The following FCHSD2 variants were observed in gnomAD, a reference collection of about 807,000 sequenced individuals.
FCHSD2 encodes FCH and double SH3 domains 2.
FCHSD2 carries 38 observed loss-of-function variants against 108.1 expected under a neutral mutation model. The ratio of observed to expected loss-of-function variants is 0.35; its 90% confidence interval spans 0.27 to 0.46. FCHSD2 has a LOEUF of 0.46. Ranked by LOEUF, FCHSD2 falls within the 20% of genes least tolerant of loss-of-function variation. The pLI is 1.00. For synonymous variants in FCHSD2, 279 were observed against 314.7 expected (o/e 0.89, Z 1.20); for missense variants, 751 against 897.8 (o/e 0.84, Z 2.09).
At chr11:73,087,573 C>T (rs1227113818) in intron 2 of FCHSD2, among the ~76,000 whole-genome samples, 2 of 151,700 alleles carry the variant, frequency 1.3e-5, no homozygotes, top group African/African-American at 2.4e-5. Flanking sequence ...GGCATGGTGG[C>T]GTGTGCCTGT....
intron 12 of FCHSD2, among the ~76,000 whole-genome samples, chr11:72,876,187 G>A (rs558095243): frequency 6.6e-6 from 1 of 152,142 alleles, no homozygotes; most frequent in Non-Finnish European, 1.5e-5. Flanking sequence ...AATATTAGCT[G>A]GGTTTGGTGG....
chr11:72,841,303 C>CCTGGGTG, intron 18 of FCHSD2, 151 bp downstream of exon 18: 1 of 796,482 alleles, frequency 1.3e-6, no homozygotes, highest in Non-Finnish European at 1.9e-6. Context: ...TGAACTCCAG[C>CCTGGGTG]CTGGGTGTCC....
intron 10 of FCHSD2, among the ~76,000 whole-genome samples, chr11:72,902,248 T>C (rs1855541978): frequency 6.6e-6 from 1 of 152,208 alleles, no homozygotes; most frequent in Non-Finnish European, 1.5e-5. Flanking sequence ...AAATATAATT[T>C]ACATTTGAGT....
intron 2 of FCHSD2, among the ~76,000 whole-genome samples, chr11:73,122,177 C>CAA (rs544166742): frequency 1.2e-4 from 16 of 130,444 alleles, no homozygotes; most frequent in African/African-American, 4.2e-4. Flanking sequence ...ACTTAAAAGG[C>CAA]AAAAAAAAAA....
intron 13 of FCHSD2, among the ~76,000 whole-genome samples, chr11:72,855,459 G>C (rs1861403728): frequency 6.6e-6 from 1 of 152,132 alleles, no homozygotes; most frequent in Admixed American, 6.5e-5. Flanking sequence ...CTGGGTGACA[G>C]AGTGAGACTC....
chr11:72,929,287 G>A (rs1352694133), intron 8 of FCHSD2, among the ~76,000 whole-genome samples: 1 of 152,142 alleles, frequency 6.6e-6, no homozygotes, highest in African/African-American at 2.4e-5. Flanking sequence ...AGATCCCTGA[G>A]GAATAGAAGC....
intron 2 of FCHSD2, among the ~76,000 whole-genome samples, chr11:73,116,950 C>T (rs1860618647): frequency 1.8e-5 from 1 of 54,426 alleles, no homozygotes; most frequent in African/African-American, 1.0e-4. Flanking sequence ...CCATTTTTCC[C>T]CAAAAAAAAT....
chr11:72,850,827 C>A (rs528226975), intron 13 of FCHSD2, among the ~76,000 whole-genome samples: 1 of 151,550 alleles, frequency 6.6e-6, no homozygotes, highest in Admixed American at 6.6e-5. Context: ...TGGTGGCTCA[C>A]GCCTGTAATC....
intron 3 of FCHSD2, among the ~76,000 whole-genome samples, chr11:73,049,331 G>C (rs947243765): frequency 6.6e-6 from 1 of 151,952 alleles, no homozygotes; most frequent in Non-Finnish European, 1.5e-5. Context: ...ATTAAATTTG[G>C]TTCTGATTTC....
chr11:73,026,949 G>C (rs1364712906), intron 3 of FCHSD2, among the ~76,000 whole-genome samples: 2 of 152,136 alleles, frequency 1.3e-5, no homozygotes, highest in Non-Finnish European at 2.9e-5. Flanking sequence ...CAACCATGCA[G>C]ACCTGTGAGT....
chr11:73,108,102 C>T (rs1197935127), intron 2 of FCHSD2, among the ~76,000 whole-genome samples: 1 of 152,194 alleles, frequency 6.6e-6, no homozygotes, highest in Non-Finnish European at 1.5e-5. Flanking sequence ...TTTGGATAAA[C>T]GCCATTTGAA....
At chr11:72,850,266 T>A (rs999559873) in intron 13 of FCHSD2, among the ~76,000 whole-genome samples, 1 of 152,006 alleles carries the variant, frequency 6.6e-6, no homozygotes, top group African/African-American at 2.4e-5. Context: ...GGTTTCACCA[T>A]GTTGGCCAGG....
At chr11:72,884,111 A>G (rs1855147164) in intron 12 of FCHSD2, among the ~76,000 whole-genome samples, 1 of 152,122 alleles carries the variant, frequency 6.6e-6, no homozygotes, top group Admixed American at 6.5e-5. Context: ...AGTATCATTA[A>G]TAGCAGGACA....
At position 72,989,009 on chromosome 11, in the gene FCHSD2, T is replaced by C; in HGVS notation, c.476A>G (p.Glu159Gly). The C allele has an allele frequency of 6.2e-7, 1 of 1,612,534 alleles. No homozygotes were observed. The highest frequency in any genetic ancestry group is 8.5e-7 in the Non-Finnish European group (1 of 1,179,068). The change falls in exon 6 of 20, where the codon GAA (glutamate) becomes GGA (glycine). Residue 159 changes from glutamate (E) to glycine (G), a missense_variant. Glu to Gly is a moderately conservative substitution (Grantham distance 98). Transcript: ENST00000409418. Reference sequence around the variant, plus strand: ...CTCTCGTACTGCATGAGCCATCTGTTCAGTCTCAAAGTATTTCTTTTTGCC... The same window carrying C: ...CTCTCGTACTGCATGAGCCATCTGTCCAGTCTCAAAGTATTTCTTTTTGCC... ...AKGKKKYFET[E>G]QMAHAVREKA...
At chr11:72,873,188 A>C (rs11235609) in intron 12 of FCHSD2, among the ~76,000 whole-genome samples, 1 of 152,028 alleles carries the variant, frequency 6.6e-6, no homozygotes, top group South Asian at 2.1e-4. Context: ...AATTAGCCGG[A>C]CACGGTGGCG....
chr11:72,958,385 G>A (rs1856755034), intron 8 of FCHSD2, among the ~76,000 whole-genome samples: 1 of 152,188 alleles, frequency 6.6e-6, no homozygotes, highest in African/African-American at 2.4e-5. Context: ...GGGCATGGTG[G>A]TGCTGACCTG....
At chr11:72,998,093 A>C (rs1176781545) in intron 5 of FCHSD2, among the ~76,000 whole-genome samples, 1 of 152,250 alleles carries the variant, frequency 6.6e-6, no homozygotes, top group Non-Finnish European at 1.5e-5. Flanking sequence ...AAAGGGTGGA[A>C]AACAAAATGC....
intron 2 of FCHSD2, among the ~76,000 whole-genome samples, chr11:73,106,149 C>A (rs1860336793): frequency 6.6e-6 from 1 of 152,014 alleles, no homozygotes; most frequent in Admixed American, 6.5e-5. Flanking sequence ...CCTTATTGGA[C>A]CTCGGAGGAG....
chr11:72,977,904 G>A (rs1485374425), intron 8 of FCHSD2, among the ~76,000 whole-genome samples: 1 of 152,180 alleles, frequency 6.6e-6, no homozygotes, highest in Non-Finnish European at 1.5e-5. Flanking sequence ...CAAAGACTTG[G>A]AACCAACCCA....
Sources: gnomAD v4.1 joint callset for allele counts (sites outside exome capture counted in the v4.1 genomes callset) on GRCh38, gnomAD v4.1.1 for gene constraint, MANE v1.5 for transcripts, NCBI Gene and HGNC (gene_info 2026-07-23, HGNC 2026-07-21) for gene names.